ZNF423: variants seen among roughly 807,000 people sequenced by gnomAD.
ZNF423 encodes zinc finger protein 423, also known as Ebf-associated zinc finger protein.
ZNF423 carries 12 observed loss-of-function variants against 95.8 expected under a neutral mutation model. The ratio of observed to expected loss-of-function variants is 0.13; its 90% confidence interval spans 0.08 to 0.20. The LOEUF (loss-of-function observed/expected upper bound fraction) is 0.20. Ranked by LOEUF, ZNF423 falls within the 10% of genes least tolerant of loss-of-function variation. The pLI, the probability that ZNF423 is intolerant of heterozygous loss-of-function variation, is 1.00. For synonymous variants in ZNF423, 749 were observed against 711.9 expected (o/e 1.05, Z -0.83); for missense variants, 1,316 against 1,737.1 (o/e 0.76, Z 4.31).
rs149572964 is a variant in ZNF423 at position 49,642,564 on chromosome 16, G to A, written c.302-3690C>T. On this transcript the variant is annotated intron_variant, in intron 3 of 7. Coordinates refer to ENST00000563137, the MANE Select transcript of ZNF423 (RefSeq NM_001379286.1). The stretch of plus-strand genomic sequence containing the variant: ...AAATAAGGCTCCTTAAACTGAAAAG[G>A]CCCAATCAGGGAAAATGGGCATGTT... Among the ~76,000 whole-genome samples the A allele has an allele frequency of 9.7e-4, 148 of 152,248 alleles. 1 individual carries two copies. The East Asian group carries it at 0.013, about 13-fold the overall frequency.
At position 49,578,630 on chromosome 16, in the gene ZNF423, T is replaced by C. The variant is rs1303739430; in HGVS notation, c.3601+47540A>G. Among the ~76,000 whole-genome samples the C allele has an allele frequency of 2.0e-5, 3 of 152,206 alleles. No homozygotes were observed. The East Asian group carries it at 5.8e-4, about 29-fold the overall frequency. On this transcript the variant is annotated intron_variant, in intron 5 of 7. Coordinates refer to ENST00000563137, the MANE Select transcript of ZNF423 (RefSeq NM_001379286.1). Reference sequence around the variant, plus strand: ...TTCTGCCTGGTGCATGGCTGGGAGCTGGGACCTTGTGGCTCCACACGGCTG... The same window carrying C: ...TTCTGCCTGGTGCATGGCTGGGAGCCGGGACCTTGTGGCTCCACACGGCTG...
At chr16:49,844,310 A>G (rs996329410) in intron 1 of ZNF423, among the ~76,000 whole-genome samples, 16 of 152,204 alleles carry the variant, frequency 1.1e-4, no homozygotes, top group Admixed American at 1.0e-3. Context: ...AAATTAAATT[A>G]GTACAAAAAT....
At chr16:49,770,762 A>T (rs1055044215) in intron 2 of ZNF423, among the ~76,000 whole-genome samples, 2 of 152,202 alleles carry the variant, frequency 1.3e-5, no homozygotes, top group Non-Finnish European at 2.9e-5. Flanking sequence ...TCCGGGCCCT[A>T]CTACATCACC....
chr16:49,815,278 C>T (rs1422014795), intron 1 of ZNF423, among the ~76,000 whole-genome samples: 2 of 152,052 alleles, frequency 1.3e-5, no homozygotes, highest in South Asian at 2.1e-4. Context: ...TCCACCAAAA[C>T]GAACCAAAAA....
At chr16:49,856,810 G>A (rs1032907521), upstream of ZNF423, among the ~76,000 whole-genome samples, 8 of 148,036 alleles carry the variant, frequency 5.4e-5, no homozygotes, top group Non-Finnish European at 7.5e-5. Flanking sequence ...GCGCGCAGCC[G>A]ATCCCCAGGC....
chr16:49,743,274 C>T (rs1198800047), intron 2 of ZNF423, among the ~76,000 whole-genome samples: 2 of 152,190 alleles, frequency 1.3e-5, no homozygotes, highest in African/African-American at 4.8e-5. Context: ...TGAATCTGCA[C>T]CCCCACAGGG....
chr16:49,642,630 CTT>C (rs985104769), intron 3 of ZNF423, among the ~76,000 whole-genome samples: 3 of 152,060 alleles, frequency 2.0e-5, no homozygotes, highest in African/African-American at 4.8e-5. Context: ...TGTTTAAAGT[CTT>C]TTATTCAAAG....
At chr16:49,677,302 A>AAGGGAAGGGAAGGGAAGGGAAGG (rs1567284087) in intron 3 of ZNF423, among the ~76,000 whole-genome samples, 3 of 75,070 alleles carry the variant, frequency 4.0e-5, no homozygotes, top group East Asian at 4.6e-4. Context: ...AGAAGAGAAG[A>AAGGGAAGGGAAGGGAAGGGAAGG]GAAGAGAAAG....
In ZNF423 at chr16:49,637,252, A is replaced by T; in HGVS notation, c.1924T>A (p.Cys642Ser). ...GAGAACTTGAGGTCGCATTGATTGC[A>T]AGGATACTCCCCATTGGAGATGGAG... ...ANSISNGEYPCNQCDLKFSNF... is the reference protein window; with the variant it reads ...ANSISNGEYPSNQCDLKFSNF... The change falls in exon 4 of 8, where the codon TGC becomes AGC. Residue 642 changes from cysteine to serine, a missense_variant. This residue lies in a region of ZNF423 where 620 missense variants were observed against 775.6 expected (regional missense o/e 0.80). Transcript: ENST00000563137. This position sits in a 1 kb window ranked among gnomAD's most constrained non-coding sequence, Gnocchi z 5.6. 6.2e-7 allele frequency: 1 copy of T among 1,614,192 alleles called. No individual in the cohort carries two copies. Among genetic ancestry groups the T allele is most frequent in the Non-Finnish European group, 8.5e-7 (1 of 1,180,044 alleles).
intron 1 of ZNF423, among the ~76,000 whole-genome samples, chr16:49,850,669 C>T (rs2035293258): frequency 6.6e-6 from 1 of 152,224 alleles, no homozygotes; most frequent in Non-Finnish European, 1.5e-5. Context: ...CACCCACCAC[C>T]TTGGCAAAAA....
intron 3 of ZNF423, among the ~76,000 whole-genome samples, chr16:49,652,517 G>A (rs1020937961): frequency 6.6e-6 from 1 of 152,130 alleles, no homozygotes; most frequent in Non-Finnish European, 1.5e-5. Context: ...GCTCCGGAAG[G>A]TTCTCCTGCC....
intron 5 of ZNF423, among the ~76,000 whole-genome samples, chr16:49,544,698 T>C (rs967692468): frequency 1.3e-5 from 2 of 152,234 alleles, no homozygotes; most frequent in Non-Finnish European, 2.9e-5. Context: ...TTGCAGGGGC[T>C]GAAGGCTTGG....
intron 2 of ZNF423, among the ~76,000 whole-genome samples, chr16:49,756,672 G>A (rs2033732850): frequency 6.6e-6 from 1 of 152,194 alleles, no homozygotes; most frequent in Admixed American, 6.5e-5. Flanking sequence ...ACCTCATCCA[G>A]CCCAGCTCTC....
intron 1 of ZNF423, among the ~76,000 whole-genome samples, chr16:49,829,172 G>C (rs1322138173): frequency 6.6e-6 from 1 of 152,186 alleles, no homozygotes; most frequent in Non-Finnish European, 1.5e-5. Context: ...AAACTTGAAG[G>C]AATCACAGCC....
At chr16:49,737,226 G>C (rs2033308445) in intron 2 of ZNF423, among the ~76,000 whole-genome samples, 1 of 150,508 alleles carries the variant, frequency 6.6e-6, no homozygotes, top group Non-Finnish European at 1.5e-5. Context: ...TGCCAGGAAG[G>C]GCAGAGAGGA....
intron 5 of ZNF423, among the ~76,000 whole-genome samples, chr16:49,538,624 C>A (rs1969139437): frequency 6.6e-6 from 1 of 152,194 alleles, no homozygotes. Context: ...GCCCTGCCTA[C>A]CTAACACCCC....
chr16:49,575,572 G>C (rs980619479), intron 5 of ZNF423, among the ~76,000 whole-genome samples: 4 of 152,184 alleles, frequency 2.6e-5, no homozygotes, highest in Non-Finnish European at 4.4e-5. Context: ...AGGCCCGACT[G>C]TGCCTAGGAG....
chr16:49,493,615 G>GAGGA (rs1420712019), intron 7 of ZNF423, among the ~76,000 whole-genome samples: 2 of 152,326 alleles, frequency 1.3e-5, no homozygotes, highest in East Asian at 3.9e-4. Context: ...GAGGGGACAT[G>GAGGA]AGGAAGGGAG....
chr16:49,795,813 C>G (rs541235609), intron 1 of ZNF423, among the ~76,000 whole-genome samples: 1 of 152,200 alleles, frequency 6.6e-6, no homozygotes, highest in Non-Finnish European at 1.5e-5. Flanking sequence ...CTGCAGAAAG[C>G]CCTTCAAAGG....
Sources: allele counts gnomAD v4.1 joint callset (sites outside exome capture counted in the v4.1 genomes callset), GRCh38; gene constraint gnomAD v4.1.1; regional missense constraint gnomAD v4.1.1; non-coding constraint Gnocchi (gnomAD v3.1); transcripts MANE v1.5; gene names NCBI Gene and HGNC (gene_info 2026-07-23, HGNC 2026-07-21).